Variants in CHLSN observed in about 807,000 individuals in gnomAD.
CHLSN encodes the protein protein cholesin.
chr7:1,027,894 C>T, the CHLSN span, among the ~76,000 whole-genome samples: 1 of 152,194 alleles, frequency 6.6e-6, no homozygotes, highest in East Asian at 1.9e-4. Flanking sequence ...GCTGGGGGCC[C>T]GGTCCGCCCC....
chr7:1,109,866 C>G, the CHLSN span, among the ~76,000 whole-genome samples: 7 of 149,906 alleles, frequency 4.7e-5, no homozygotes, highest in African/African-American at 1.7e-4. Context: ...ATCTCTCTGT[C>G]TACCAGGCAA....
chr7:1,012,840 C>T, the CHLSN span, among the ~76,000 whole-genome samples: 30 of 152,218 alleles, frequency 2.0e-4, no homozygotes, highest in Admixed American at 8.5e-4. Context: ...TTGGGGGTGC[C>T]GGCTCCACTC....
chr7:1,110,522 C>T, the CHLSN span, among the ~76,000 whole-genome samples: 3 of 152,228 alleles, frequency 2.0e-5, no homozygotes, highest in South Asian at 6.2e-4. Flanking sequence ...CCTCCCGCCA[C>T]GTCTTCCCAT....
the CHLSN span, among the ~76,000 whole-genome samples, chr7:1,041,356 G>GACCT: frequency 3.6e-5 from 4 of 110,244 alleles, no homozygotes; most frequent in Admixed American, 8.8e-5. Context: ...GCGGGGAAGG[G>GACCT]GGCCTGGGGT....
chr7:1,085,681 A>T, the CHLSN span, among the ~76,000 whole-genome samples: 1 of 145,664 alleles, frequency 6.9e-6, no homozygotes, highest in East Asian at 2.8e-4. Flanking sequence ...AAAAAATTAA[A>T]AAAAAAAAAA....
the CHLSN span, among the ~76,000 whole-genome samples, chr7:1,047,979 T>C: frequency 3.3e-5 from 5 of 152,282 alleles, no homozygotes; most frequent in East Asian, 9.6e-4. Context: ...AAACTTCCCC[T>C]GCCTGCAAAG....
chr7:1,004,078 G>A, the CHLSN span, among the ~76,000 whole-genome samples: 1 of 152,026 alleles, frequency 6.6e-6, no homozygotes. Context: ...TGACACGCCA[G>A]CCCCATGTGC....
chr7:1,079,538 TA>T, the CHLSN span, among the ~76,000 whole-genome samples: 1 of 152,018 alleles, frequency 6.6e-6, no homozygotes, highest in African/African-American at 2.4e-5. Context: ...TTAAAAATGA[TA>T]ATAAAACCCA....
chr7:1,023,624 A>AACACACACACACACACAC, the CHLSN span, among the ~76,000 whole-genome samples: 151 of 122,372 alleles, frequency 1.2e-3, 2 homozygotes, highest in East Asian at 4.0e-3. The surrounding 1 kb of genome is among the most constrained non-coding windows in gnomAD (Gnocchi z 5.0). Context: ...CCTCCCAGGA[A>AACACACACACACACACAC]ACACACACAC....
the CHLSN span, among the ~76,000 whole-genome samples, chr7:981,707 C>T: frequency 8.7e-4 from 132 of 151,890 alleles, no homozygotes; most frequent in African/African-American, 2.9e-3. Flanking sequence ...AGTGAGATTC[C>T]GTCTCAAAAA....
the CHLSN span, among the ~76,000 whole-genome samples, chr7:1,012,900 T>C: frequency 6.6e-6 from 1 of 152,188 alleles, no homozygotes; most frequent in Non-Finnish European, 1.5e-5. Flanking sequence ...GACCAGGCAA[T>C]TCCCCAAGGC....
the CHLSN span, among the ~76,000 whole-genome samples, chr7:995,046 T>C: frequency 1.3e-5 from 2 of 152,240 alleles, no homozygotes; most frequent in African/African-American, 4.8e-5. Flanking sequence ...AAGGCGGGGC[T>C]TCCTTAGCCG....
chr7:1,000,367 CTGCCCCGCCG>C, the CHLSN span: 1 of 1,048,156 alleles, frequency 9.5e-7, no homozygotes, highest in Non-Finnish European at 1.3e-6. Context: ...GGAGACGTGC[CTGCCCCGCCG>C]TGCACACACC....
the CHLSN span, chr7:987,681 A>C: frequency 1.2e-6 from 1 of 819,312 alleles, no homozygotes; most frequent in Non-Finnish European, 1.8e-6. Context: ...AGCCAGGAGC[A>C]GGAGGGAGGC....
chr7:987,473 C>T, the CHLSN span: 19 of 1,560,412 alleles, frequency 1.2e-5, no homozygotes, highest in South Asian at 2.3e-5. Flanking sequence ...ACGCTCCTGC[C>T]GCACGTGCCC....
the CHLSN span, among the ~76,000 whole-genome samples, chr7:1,088,790 T>C: frequency 2.0e-5 from 3 of 152,046 alleles, no homozygotes; most frequent in African/African-American, 7.3e-5. This position sits in a 1 kb window ranked among gnomAD's most constrained non-coding sequence, Gnocchi z 4.5. Flanking sequence ...AAATGAGGTA[T>C]TGCACTGTTT....
the CHLSN span, among the ~76,000 whole-genome samples, chr7:1,085,904 A>G: frequency 6.6e-6 from 1 of 152,262 alleles, no homozygotes; most frequent in South Asian, 2.1e-4. Context: ...GATTCCTGCC[A>G]TGCCGTCACA....
chr7:986,473 G>A, the CHLSN span: 1 of 860,412 alleles, frequency 1.2e-6, no homozygotes, highest in South Asian at 1.7e-5. Context: ...CCTCCCTTGA[G>A]GGCTAAGGGT....
At chr7:1,065,233 G>A in the CHLSN span, among the ~76,000 whole-genome samples, 3 of 152,172 alleles carry the variant, frequency 2.0e-5, no homozygotes, top group Non-Finnish European at 4.4e-5. Flanking sequence ...GTGGTGGGAG[G>A]AAGGTAAAAC....
Sources: gnomAD v4.1 joint callset for allele counts (sites outside exome capture counted in the v4.1 genomes callset) on GRCh38, gnomAD v4.1.1 for gene constraint, Gnocchi (gnomAD v3.1) non-coding constraint, MANE v1.5 for transcripts, NCBI Gene and HGNC (gene_info 2026-07-23, HGNC 2026-07-21) for gene names.